Variants in LAMB2 observed in about 807,000 individuals in gnomAD.
LAMB2 encodes the protein laminin subunit beta 2.
LAMB2 carries 119 observed loss-of-function variants against 202.7 expected under a neutral mutation model. The observed-to-expected ratio is 0.59, with a 90% CI of 0.51 to 0.68. The LOEUF is 0.68. Ranked by LOEUF, LAMB2 falls within the 30% of genes least tolerant of loss-of-function variation. The probability of loss-of-function intolerance (pLI) is 0.00; values close to 1 mark genes in which losing one functional copy is unlikely to be tolerated. For synonymous variants in LAMB2, 818 were observed against 902.2 expected, an observed-to-expected ratio of 0.91 and a Z score of 1.67; for missense variants, 2,124 against 2,410.6, an observed-to-expected ratio of 0.88 and a Z score of 2.49.
Position 49,124,945 on chromosome 3 carries a change from A to G in LAMB2, c.2885-20T>C, listed in dbSNP as rs1448277485. 1 of 1,613,964 alleles carries G rather than the reference A, an allele frequency of 6.2e-7. No individual in the cohort carries two copies. Among genetic ancestry groups the G allele is most frequent in the East Asian group, 2.2e-5 (1 of 44,880 alleles). On this transcript the variant is annotated intron_variant, in intron 20 of 31. Transcript: ENST00000305544. ...GCAGCCCTGCCCACGGTTAAGAGGA[A>G]GCTGTGAGTGCTCAGCCCAGCCAAC...
chr3:49,129,572 GC>G lies in LAMB2; in HGVS notation c.1518+31del, dbSNP rs1285235387. On this transcript the variant is annotated intron_variant, in intron 11 of 31. Transcript: ENST00000305544. This position sits in a 1 kb window ranked among gnomAD's most constrained non-coding sequence, Gnocchi z 6.1. Reference sequence around the variant, plus strand: ...GCCCTGTGCTCTAAGGACAAATCATGCCCCTAGAACTCCAGCCCCTTCCAGT... The same window carrying G: ...GCCCTGTGCTCTAAGGACAAATCATGCCCTAGAACTCCAGCCCCTTCCAGT... The G allele has an allele frequency of 6.5e-7, 1 of 1,543,420 alleles. No homozygotes were observed. Among genetic ancestry groups the G allele is most frequent in the African/African-American group, 1.4e-5 (1 of 73,478 alleles).
rs201787050 is a variant in LAMB2, at chr3:49,126,008, A to C, written c.2303T>G (p.Leu768Arg). 1 of 1,614,124 alleles carries C rather than the reference A, an allele frequency of 6.2e-7. No individual in the cohort carries two copies. Among genetic ancestry groups the C allele is most frequent in the Non-Finnish European group, 8.5e-7 (1 of 1,180,010 alleles). The change falls in exon 17 of 32, where the codon CTC becomes CGC. Residue 768 changes from leucine (L) to arginine (R), a missense_variant. Physicochemically the swap from Leu to Arg is moderately radical, Grantham distance 102. Coordinates refer to ENST00000305544, the MANE Select transcript of LAMB2 (RefSeq NM_002292.4). ...KTSPSEACAP[L>R]LISLSTLIYN... ...GATGAGGGTGGACAGGCTGATGAGG[A>C]GGGGTGCGCAGGCCTCAGAGGGAGA...
chr3:49,130,843 G>C lies in LAMB2; in HGVS notation c.933C>G (p.Ile311Met). The C allele has an allele frequency of 1.2e-6, 2 of 1,614,188 alleles. No homozygotes were observed. The highest frequency in any genetic ancestry group is 8.5e-7 in the Non-Finnish European group (1 of 1,180,024). The stretch of plus-strand genomic sequence containing the variant: ...TGAGGCCACGTGTGTTGTGTTTGCA[G>C]ATGCAAGCTCCGTGCACCTATAGAG... ...HAEGMVHGAC[I>M]CKHNTRGLNC... Residue 311 changes from isoleucine (I) to methionine (M), a missense_variant, in exon 8 of 32, where the codon ATC (isoleucine) becomes ATG (methionine). Around this residue, in one of 3 missense-constraint regions of LAMB2, gnomAD observed 256 missense variants for 356.1 expected, o/e 0.72. Coordinates refer to ENST00000305544, the MANE Select transcript of LAMB2 (RefSeq NM_002292.4). This position sits in a 1 kb window ranked among gnomAD's most constrained non-coding sequence, Gnocchi z 5.0.
intron 17 of LAMB2, 28 bp from the exon 18 acceptor site, chr3:49,125,918 A>G: frequency 6.2e-7 from 1 of 1,614,128 alleles, no homozygotes; most frequent in South Asian, 1.1e-5. Context: ...GGGCCAAGTC[A>G]GGCTGGGTCC....
chr3:49,132,551 A>G lies in LAMB2; in HGVS notation c.189T>C (p.Thr63=), dbSNP rs200171185. 100 of 1,613,730 alleles carry G rather than the reference A, an allele frequency of 6.2e-5. 1 individual carries two copies. Among genetic ancestry groups the G allele is most frequent in the Admixed American group, 2.0e-4 (12 of 60,032 alleles). ...DLLVGRADRL[T]ASSTCGLNGP... ...CATTCAGGCCACAAGTGGATGAGGC[A>G]GTCAGTCTGTCAGCTCGGCCCACCA... The change falls in exon 2 of 32, where the codon ACT becomes ACC. Residue 63 remains threonine (T), a synonymous_variant. Transcript: ENST00000305544. This position sits in a 1 kb window ranked among gnomAD's most constrained non-coding sequence, Gnocchi z 4.6.
In LAMB2 at chr3:49,124,996, A is replaced by G; in HGVS notation, c.2884+10T>C. On this transcript the variant is annotated intron_variant, in intron 20 of 31. Transcript: ENST00000305544. ...TCACCCTGATCCCACGCCTGCCCCC[A>G]TCCACTCACCCGTATAGCCTGCCCG... 1.9e-6 allele frequency: 3 copies of G among 1,613,890 alleles called. No homozygotes were observed. Among genetic ancestry groups the G allele is most frequent in the Non-Finnish European group, 2.5e-6 (3 of 1,180,014 alleles).
Position 49,131,242 on chromosome 3 carries a change from AG to A in LAMB2, c.713-91del. ...GCTCAGCTGCCAAGGTCACCTTGAA[AG>A]ACCTCCTATACACTGCCACCCGAGC... On this transcript the variant is annotated intron_variant, in intron 6 of 31. Coordinates refer to ENST00000305544, the MANE Select transcript of LAMB2 (RefSeq NM_002292.4). The surrounding 1 kb of genome is among the most constrained non-coding windows in gnomAD (Gnocchi z 5.0). 1 of 1,483,920 alleles carries A rather than the reference AG, an allele frequency of 6.7e-7. No individual in the cohort carries two copies. Among genetic ancestry groups the A allele is most frequent in the Non-Finnish European group, 9.3e-7 (1 of 1,071,904 alleles). The allele number at this position is 1,483,920 out of a possible 1,614,324, so 91.9% of individuals were successfully genotyped here.
rs777742373 is a variant in LAMB2, at chr3:49,122,045, G to A, written c.4822C>T (p.Gln1608Ter). ...EDEKQKAETV[Q>*]AALEEAQRAQ... ...CGCTGGGCCTCCTCCAGTGCTGCCTGTACTGTCTCTGCCTTCTGTTTCTCA... is the reference window on the plus strand; with the variant it reads ...CGCTGGGCCTCCTCCAGTGCTGCCTATACTGTCTCTGCCTTCTGTTTCTCA... The change falls in exon 29 of 32, where the codon CAG becomes TAG. Residue 1608 changes from glutamine (Q) to a stop codon, truncating the protein, a stop_gained. Transcript: ENST00000305544. LOFTEE classifies it high-confidence loss of function. The A allele has an allele frequency of 6.2e-7, 1 of 1,613,500 alleles. No individual in the cohort carries two copies. Among genetic ancestry groups the A allele is most frequent in the Non-Finnish European group, 8.5e-7 (1 of 1,180,044 alleles).
intron 16 of LAMB2, 52 bp from the exon 17 acceptor site, chr3:49,126,211 A>T (rs1036739448): frequency 1.2e-6 from 2 of 1,607,346 alleles, no homozygotes; most frequent in African/African-American, 2.7e-5. Context: ...CCACGTAGGC[A>T]TTGCCAGAGC....
At position 49,123,929 on chromosome 3, in the gene LAMB2, C is replaced by T. The variant is rs751242273; in HGVS notation, c.3596G>A (p.Arg1199Gln). 50 of 1,613,138 alleles carry T rather than the reference C, an allele frequency of 3.1e-5. No individual in the cohort carries two copies. Among genetic ancestry groups the T allele is most frequent in the Middle Eastern group, 3.3e-4 (2 of 6,084 alleles). ...ACGGGCTGCCAAGTCCTGCACCACT[C>T]GGTCCCAATCCCCGAAGCATGCATG... ...PCHACFGDWDRVVQDLAARTQ... is the reference protein window; with the variant it reads ...PCHACFGDWDQVVQDLAARTQ... Residue 1199 changes from arginine (R) to glutamine (Q), a missense_variant, in exon 24 of 32, where the codon CGA becomes CAA. By Grantham distance (43) the Arg-to-Gln change is conservative. This residue lies in a region of LAMB2 where 1,702 missense variants were observed against 1,896.3 expected (regional missense o/e 0.90). Coordinates refer to ENST00000305544, the MANE Select transcript of LAMB2 (RefSeq NM_002292.4).
At chr3:49,122,675 A>G (rs1329790568) in intron 27 of LAMB2, 29 bp downstream of exon 27, 1 of 1,587,262 alleles carries the variant, frequency 6.3e-7, no homozygotes, top group Non-Finnish European at 8.7e-7. Context: ...GGGGACAACC[A>G]CATGGCCTGG....
In LAMB2 at chr3:49,122,322, AGCACCCGTGTG is replaced by A. The variant is rs1384293775; in HGVS notation, c.4611_4621del (p.Thr1538ArgfsTer9). On this transcript the variant is annotated frameshift_variant, in exon 28 of 32. Coordinates refer to ENST00000305544, the MANE Select transcript of LAMB2 (RefSeq NM_002292.4). LOFTEE classifies it high-confidence loss of function. ...AGCTGAAGCTGGGATGGAGAGCTCT[AGCACCCGTGTG>A]GCCACCATTTCAATGCTATCAGGAT... is the stretch of plus-strand genomic sequence containing the variant. 1.8e-5 allele frequency: 29 copies of A among 1,613,382 alleles called. No individual in the cohort carries two copies. Among genetic ancestry groups the A allele is most frequent in the Non-Finnish European group, 2.3e-5 (27 of 1,180,038 alleles).
chr3:49,121,435 TG>T lies in LAMB2; in HGVS notation c.5257del (p.Gln1753ArgfsTer68). 6.2e-7 allele frequency: 1 copy of T among 1,614,046 alleles called. No individual in the cohort carries two copies. Among genetic ancestry groups the T allele is most frequent in the Non-Finnish European group, 8.5e-7 (1 of 1,180,036 alleles). On this transcript the variant is annotated frameshift_variant, in exon 31 of 32. Coordinates refer to ENST00000305544, the MANE Select transcript of LAMB2 (RefSeq NM_002292.4). LOFTEE classifies it high-confidence loss of function. ...GTCTCTGGTGCCCCATTTCTTACCC[TG>T]TAGCCGCTGCAGCTTGTCCTGAGCG... ...QAAQDKLQRLQELEGTYEENE... is the reference protein window; with the variant it reads ...QAAQDKLQRLXELEGTYEENE...
chr3:49,121,274 C>T lies in LAMB2; in HGVS notation c.5349G>A (p.Val1783=), dbSNP rs193202109. 1.2e-6 allele frequency: 2 copies of T among 1,612,548 alleles called. No homozygotes were observed. The highest frequency in any genetic ancestry group is 1.7e-6 in the Non-Finnish European group (2 of 1,180,038). Residue 1783 remains valine (V), a synonymous_variant, in exon 32 of 32, where the codon GTG becomes GTA. Coordinates refer to ENST00000305544, the MANE Select transcript of LAMB2 (RefSeq NM_002292.4). ...LDGLEARMRS[V]LQAINLQVQI... ...GCACCTGCAAGTTGATGGCTTGAAGCACGCTGCGCATCCTGGCCTCCAACC... is the reference window on the plus strand; with the variant it reads ...GCACCTGCAAGTTGATGGCTTGAAGTACGCTGCGCATCCTGGCCTCCAACC...
intron 27 of LAMB2, 58 bp downstream of exon 27, chr3:49,122,646 G>A: frequency 7.2e-7 from 1 of 1,385,636 alleles, no homozygotes; most frequent in East Asian, 2.3e-5. Context: ...GGGAGATACA[G>A]ACACCGGGAG....
In LAMB2 at chr3:49,132,059, AG is replaced by A; in HGVS notation, c.459+56del. The A allele has an allele frequency of 6.6e-7, 1 of 1,516,708 alleles. No homozygotes were observed. Among genetic ancestry groups the A allele is most frequent in the Non-Finnish European group, 9.2e-7 (1 of 1,091,798 alleles). The allele number at this position is 1,516,708 out of a possible 1,614,324, so 94.0% of individuals were successfully genotyped here. A position where few individuals can be genotyped will look rare whatever the true frequency, so the allele number is the denominator to read the frequency against. ...GTGTTAAGGAGCTGAGGCTCTGTCC[AG>A]GGGCAATGGAGAGCCAAGCAGGGTG... is the stretch of plus-strand genomic sequence containing the variant. On this transcript the variant is annotated intron_variant, in intron 4 of 31. Coordinates refer to ENST00000305544, the MANE Select transcript of LAMB2 (RefSeq NM_002292.4). The surrounding 1 kb of genome is among the most constrained non-coding windows in gnomAD (Gnocchi z 4.6).
Position 49,128,830 on chromosome 3 carries a change from A to G in LAMB2, c.1732-11T>C, listed in dbSNP as rs1295096096. The G allele has an allele frequency of 1.2e-6, 2 of 1,610,870 alleles. No individual in the cohort carries two copies. Among genetic ancestry groups the G allele is most frequent in the Non-Finnish European group, 1.7e-6 (2 of 1,177,882 alleles). On this transcript the variant is annotated splice_polypyrimidine_tract_variant and intron_variant, in intron 13 of 31. Coordinates refer to ENST00000305544, the MANE Select transcript of LAMB2 (RefSeq NM_002292.4). ...CACCACATCGAGCACCTGGGAGATA[A>G]TGCAGCCAGGGATGGAGGCTCAGGT... is the stretch of plus-strand genomic sequence containing the variant.
In LAMB2 at chr3:49,129,918, T is replaced by C; in HGVS notation, c.1326A>G (p.Glu442=). ...GCTGGCAGCGAGTGCCCACCACATG[T>C]TCTTTGCAGCGACACTGGCCGGAGA... The part of the protein sequence containing the change: ...GLVSGQCRCK[E]HVVGTRCQQC... The change falls in exon 10 of 32, where the codon GAA becomes GAG. Residue 442 remains glutamate (E), a synonymous_variant. Coordinates refer to ENST00000305544, the MANE Select transcript of LAMB2 (RefSeq NM_002292.4). This position sits in a 1 kb window ranked among gnomAD's most constrained non-coding sequence, Gnocchi z 6.1. 6.2e-7 allele frequency: 1 copy of C among 1,613,988 alleles called. No individual in the cohort carries two copies. Among genetic ancestry groups the C allele is most frequent in the Non-Finnish European group, 8.5e-7 (1 of 1,180,028 alleles).
chr3:49,128,753 C>G lies in LAMB2; in HGVS notation c.1798G>C (p.Val600Leu), dbSNP rs775598935. 1.2e-6 allele frequency: 2 copies of G among 1,614,034 alleles called. No individual in the cohort carries two copies. Among genetic ancestry groups the G allele is most frequent in the East Asian group, 2.2e-5 (1 of 44,896 alleles). The change falls in exon 14 of 32, where the codon GTG (valine) becomes CTG (leucine). Residue 600 changes from valine (V) to leucine (L), a missense_variant. Transcript: ENST00000305544. ...ETPSWTGSGF[V>L]RLQEGQTLEF... ...AGGGTCTGACCTTCCTGTAGCCGCACGAAGCCTGAGCCAGTCCAGGATGGA... is the reference window on the plus strand; with the variant it reads ...AGGGTCTGACCTTCCTGTAGCCGCAGGAAGCCTGAGCCAGTCCAGGATGGA...
Sources: allele counts gnomAD v4.1 joint callset, GRCh38; gene constraint gnomAD v4.1.1; regional missense constraint gnomAD v4.1.1; non-coding constraint Gnocchi (gnomAD v3.1); transcripts MANE v1.5; gene names NCBI Gene and HGNC (gene_info 2026-07-23, HGNC 2026-07-21).